The following UTRN variants were observed in gnomAD, a reference collection of about 807,000 sequenced individuals.
UTRN encodes the protein dystrophin-related protein 1.
A neutral mutation model predicts 463.9 loss-of-function variants in UTRN; 283 were observed. That is an observed-to-expected ratio of 0.61 (90% CI 0.55 to 0.67). The LOEUF (loss-of-function observed/expected upper bound fraction) is 0.67. Ranked by LOEUF, UTRN falls within the 30% of genes least tolerant of loss-of-function variation. The probability of loss-of-function intolerance (pLI) is 0.00; values close to 1 mark genes in which losing one functional copy is unlikely to be tolerated. For missense variants in UTRN, 3,922 were observed against 4,084.3 expected (o/e 0.96, Z 1.08); for synonymous variants, 1,442 against 1,431.5 (o/e 1.01, Z -0.17).
intron 32 of UTRN, among the ~76,000 whole-genome samples, chr6:144,492,664 C>T (rs1228139701): frequency 6.6e-6 from 1 of 152,230 alleles, no homozygotes; most frequent in African/African-American, 2.4e-5. Context: ...CTTTTCTCTG[C>T]AGCCTTGCCA....
In UTRN at chr6:144,485,449, C is replaced by T. The variant is rs767258862; in HGVS notation, c.3752C>T (p.Thr1251Ile). 6.2e-7 allele frequency: 1 copy of T among 1,614,178 alleles called. No individual in the cohort carries two copies. Among genetic ancestry groups the T allele is most frequent in the Non-Finnish European group, 8.5e-7 (1 of 1,180,034 alleles). The stretch of plus-strand genomic sequence containing the variant: ...GATCTTGAAACTACCTGGTTAAACA[C>T]TTTGGAAGAGCGGATGAAGAGCACA... The part of the protein sequence containing the change: ...YLDLETTWLN[T>I]LEERMKSTEV... The change falls in exon 28 of 75, where the codon ACT becomes ATT. Residue 1251 changes from threonine to isoleucine, a missense_variant. Thr to Ile is a moderately conservative substitution (Grantham distance 89). Transcript: ENST00000367545.
intron 2 of UTRN, among the ~76,000 whole-genome samples, chr6:144,311,031 G>T (rs1006344864): frequency 2.0e-5 from 3 of 152,120 alleles, no homozygotes; most frequent in African/African-American, 2.4e-5. Flanking sequence ...TTCTAAGATT[G>T]CCCTTTATTG....
chr6:144,849,254 A>G (rs570416057), intron 74 of UTRN, among the ~76,000 whole-genome samples: 3 of 152,286 alleles, frequency 2.0e-5, no homozygotes, highest in Admixed American at 1.3e-4. Context: ...TGGAAGGGCA[A>G]CCAGGAGTCT....
At chr6:144,494,439 A>G (rs569079723) in intron 33 of UTRN, among the ~76,000 whole-genome samples, 1 of 152,316 alleles carries the variant, frequency 6.6e-6, no homozygotes, top group African/African-American at 2.4e-5. Flanking sequence ...TACAGCTCAT[A>G]AAAGCAGTGT....
intron 51 of UTRN, among the ~76,000 whole-genome samples, chr6:144,598,141 GC>G (rs935874091): frequency 9.2e-5 from 14 of 152,188 alleles, no homozygotes; most frequent in South Asian, 4.1e-4. Flanking sequence ...AGTGACCATG[GC>G]CCATGACACA....
rs1329681712 is a variant in UTRN, at chr6:144,622,173, TTTTTTTTGTTG to T, written c.7479+44893_7479+44903del. 1.0e-3 allele frequency among the ~76,000 whole-genome samples: 141 copies of T among 139,792 alleles called. 1 individual carries two copies. The highest frequency in any genetic ancestry group is 3.7e-3 in the African/African-American group (131 of 35,626). The allele number at this position is 139,792 out of a possible 152,430, so 91.7% of individuals were successfully genotyped here. On this transcript the variant is annotated intron_variant, in intron 51 of 74. Transcript: ENST00000367545. The stretch of plus-strand genomic sequence containing the variant: ...TTATCTTACAATAGATGGTATCCAT[TTTTTTTTGTTG>T]TTTTTTTTTTTTTTTTTTTTTGGAG...
At position 144,797,189 on chromosome 6, in the gene UTRN, ATT is replaced by A. The variant is rs5880614; in HGVS notation, c.9079-619_9079-618del. Among the ~76,000 whole-genome samples the A allele has an allele frequency of 5.9e-3, 841 of 142,060 alleles. 3 individuals are homozygous for A. Among genetic ancestry groups the A allele is most frequent in the Middle Eastern group, 0.022 (6 of 278 alleles). The allele number at this position is 142,060 out of a possible 152,430, so 93.2% of individuals were successfully genotyped here. Reference sequence around the variant, plus strand: ...ACAAGTTTTTACTGTCTTAGATGAAATTTTTTTTTTTTTTTTTGAGATATATT... The same window carrying A: ...ACAAGTTTTTACTGTCTTAGATGAAATTTTTTTTTTTTTTTGAGATATATT... On this transcript the variant is annotated intron_variant, in intron 63 of 74. Coordinates refer to ENST00000367545, the MANE Select transcript of UTRN (RefSeq NM_007124.3).
intron 52 of UTRN, among the ~76,000 whole-genome samples, chr6:144,693,466 A>G (rs1372623059): frequency 6.6e-6 from 1 of 152,184 alleles, no homozygotes; most frequent in Non-Finnish European, 1.5e-5. Context: ...CATTGAATTT[A>G]TAAGTTACTT....
intron 51 of UTRN, chr6:144,660,349 A>G (rs1779745564): frequency 4.3e-6 from 2 of 467,064 alleles, no homozygotes; most frequent in African/African-American, 4.0e-5. Flanking sequence ...ATACATTTAG[A>G]TAGATGCTCT....
chr6:144,493,597 G>A (rs756947011), intron 33 of UTRN, 141 bp downstream of exon 33: 8 of 872,322 alleles, frequency 9.2e-6, no homozygotes, highest in South Asian at 5.0e-5. Context: ...AGATTCATAC[G>A]TGTTTTCAAT....
In UTRN at chr6:144,697,469, C is replaced by T. The variant is rs542812515; in HGVS notation, c.7653-2618C>T. The stretch of plus-strand genomic sequence containing the variant: ...CTGTTGCCCAAGAAAAGGCTTTCAT[C>T]TTTCAAGATGAAAGAATTAAAATGA... On this transcript the variant is annotated intron_variant, in intron 52 of 74. Coordinates refer to ENST00000367545, the MANE Select transcript of UTRN (RefSeq NM_007124.3). Among the ~76,000 whole-genome samples the T allele has an allele frequency of 2.0e-5, 3 of 152,266 alleles. No homozygotes were observed. In the South Asian group the frequency reaches 6.2e-4, roughly 32 times the overall value.
rs1486014268 is a variant in UTRN, at chr6:144,793,846, A to G, written c.8933A>G (p.Glu2978Gly). 1 of 1,613,850 alleles carries G rather than the reference A, an allele frequency of 6.2e-7. No homozygotes were observed. Among genetic ancestry groups the G allele is most frequent in the Non-Finnish European group, 8.5e-7 (1 of 1,179,930 alleles). Residue 2978 changes from glutamate (E) to glycine (G), a missense_variant, in exon 63 of 75, where the codon GAA becomes GGA. Around this residue, in one of 3 missense-constraint regions of UTRN, gnomAD observed 1,309 missense variants for 1,452.6 expected, o/e 0.90. Coordinates refer to ENST00000367545, the MANE Select transcript of UTRN (RefSeq NM_007124.3). ...CCTCTCTTTGCAGATCTCTTTAAGG[A>G]AGTTGCAGGGCCAACAGAAATGTGT... is the stretch of plus-strand genomic sequence containing the variant. ...LEEKYRYLFK[E>G]VAGPTEMCDQ... is the part of the protein sequence containing the mutation.
At chr6:144,557,445 A>T in intron 50 of UTRN, 134 bp downstream of exon 50, 1 of 805,184 alleles carries the variant, frequency 1.2e-6, no homozygotes. Flanking sequence ...TTATACTGTG[A>T]TGTTCTGAGT....
chr6:144,814,631 A>C lies in UTRN; in HGVS notation c.9358-6251A>C, dbSNP rs977470774. Among the ~76,000 whole-genome samples the C allele has an allele frequency of 1.8e-4, 28 of 152,350 alleles. 1 individual carries two copies. Among genetic ancestry groups the C allele is most frequent in the African/African-American group, 5.5e-4 (23 of 41,590 alleles). On this transcript the variant is annotated intron_variant, in intron 65 of 74. Coordinates refer to ENST00000367545, the MANE Select transcript of UTRN (RefSeq NM_007124.3). The stretch of plus-strand genomic sequence containing the variant: ...AGAAAAAGAGATAAGGAACAAAATT[A>C]TATCACTACAAATAAAGCATGCCAG...
rs1791664231 is a variant in UTRN at position 144,479,865 on chromosome 6, G to C, written c.3390G>C (p.Leu1130=). 6 of 1,614,038 alleles carry C rather than the reference G, an allele frequency of 3.7e-6. No homozygotes were observed. The East Asian group carries it at 1.3e-4, about 36-fold the overall frequency. ...AAAGTCAAGAAAAAGCTGCGAACCT[G>C]AAGAAAGACTTGGCAGAGATGCAGG... ...LSESQEKAAN[L]KKDLAEMQEW... is the part of the protein sequence containing the mutation. Residue 1130 remains leucine (L), a synonymous_variant, in exon 26 of 75, where the codon CTG becomes CTC. Coordinates refer to ENST00000367545, the MANE Select transcript of UTRN (RefSeq NM_007124.3).
chr6:144,617,597 T>G (rs527757707), intron 51 of UTRN, among the ~76,000 whole-genome samples: 1 of 152,306 alleles, frequency 6.6e-6, no homozygotes. Flanking sequence ...TATGCTTTGT[T>G]GATGAACTGC....
chr6:144,421,966 C>T lies in UTRN; in HGVS notation c.230C>T (p.Ser77Leu), dbSNP rs760339380. Residue 77 changes from serine to leucine, a missense_variant, in exon 4 of 75, where the codon TCA becomes TTA. Ser to Leu is a moderately radical substitution (Grantham distance 145, BLOSUM62 -2). This residue lies in a region of UTRN where 264 missense variants were observed against 327.9 expected (regional missense o/e 0.81). Transcript: ENST00000367545. The part of the protein sequence containing the change: ...LDLLEGLTGT[S>L]LPKERGSTRV... The stretch of plus-strand genomic sequence containing the variant: ...CTTCTAGAAGGCCTCACAGGAACAT[C>T]ACTGGTGAGCAAGTCATCTTTGTAA... 2 of 1,608,940 alleles carry T rather than the reference C, an allele frequency of 1.2e-6. No individual in the cohort carries two copies. Among genetic ancestry groups the T allele is most frequent in the South Asian group, 1.1e-5 (1 of 90,244 alleles).
chr6:144,533,324 A>T, intron 43 of UTRN, 64 bp downstream of exon 43: 2 of 1,559,934 alleles, frequency 1.3e-6, no homozygotes, highest in Admixed American at 1.9e-5. Flanking sequence ...ATCTTTTAAG[A>T]TGCAATCTAA....
chr6:144,356,610 C>T (rs758019787), intron 2 of UTRN, among the ~76,000 whole-genome samples: 4 of 152,124 alleles, frequency 2.6e-5, no homozygotes, highest in East Asian at 1.9e-4. Context: ...GTCAGGAGTT[C>T]GAGACTAGCC....
Sources: gnomAD v4.1 joint callset for allele counts (sites outside exome capture counted in the v4.1 genomes callset) on GRCh38, gnomAD v4.1.1 for gene constraint, gnomAD v4.1.1 regional missense constraint, MANE v1.5 for transcripts, NCBI Gene and HGNC (gene_info 2026-07-23, HGNC 2026-07-21) for gene names.